Variants in ALDH16A1 observed in about 807,000 individuals in gnomAD.
ALDH16A1 encodes the protein aldehyde dehydrogenase 16 family member A1.
ALDH16A1 carries 88 observed loss-of-function variants against 96.1 expected under a neutral mutation model. That is an observed-to-expected ratio of 0.92 (90% CI 0.77 to 1.09). ALDH16A1 has a LOEUF of 1.09. ALDH16A1 is among the 50% of genes least tolerant of loss of function. The pLI is 0.00. For missense variants in ALDH16A1, 1,250 were observed against 1,112.6 expected, an observed-to-expected ratio of 1.12 and a Z score of -1.76; for synonymous variants, 522 against 496.4, an observed-to-expected ratio of 1.05 and a Z score of -0.69.
intron 7 of ALDH16A1, 133 bp from the exon 8 acceptor site, chr19:49,462,437 T>G: frequency 8.4e-7 from 1 of 1,186,190 alleles, no homozygotes; most frequent in Admixed American, 2.4e-5. Context: ...ATCCGGCCTC[T>G]CTGTTCTTTA....
intron 1 of ALDH16A1, among the ~76,000 whole-genome samples, chr19:49,455,832 G>A (rs1568646939): frequency 1.3e-5 from 2 of 152,178 alleles, no homozygotes; most frequent in East Asian, 3.8e-4. Flanking sequence ...GTTCTCAACC[G>A]TACAGTCTCT....
chr19:49,461,028 A>T (rs2122383623), intron 5 of ALDH16A1, 129 bp downstream of exon 5: 1 of 1,013,274 alleles, frequency 9.9e-7, no homozygotes, highest in Admixed American at 1.9e-5. Flanking sequence ...CTGTGGGAGG[A>T]GGGGCTGCGG....
Position 49,453,420 on chromosome 19 carries a change from T to G in ALDH16A1, c.89T>G (p.Leu30Arg). ...GTGCCGGAGAGCCACGCATGCGCAC[T>G]GGTGAGAGTCTGCCCGGCCGGCGCT... Reference protein sequence around the residue: ...GPVPESHACALAWLDTQDRCL... With the variant: ...GPVPESHACARAWLDTQDRCL... The change falls in exon 1 of 17, where the codon CTG becomes CGG. Residue 30 changes from leucine to arginine, a missense_variant and splice_region_variant. Transcript: ENST00000293350. 1 of 1,547,024 alleles carries G rather than the reference T, an allele frequency of 6.5e-7. No individual in the cohort carries two copies. Among genetic ancestry groups the G allele is most frequent in the Non-Finnish European group, 8.7e-7 (1 of 1,147,296 alleles).
intron 1 of ALDH16A1, 198 bp downstream of exon 1, chr19:49,453,619 TC>T (rs1212714035): frequency 3.7e-6 from 2 of 541,554 alleles, no homozygotes; most frequent in Non-Finnish European, 6.6e-6. Context: ...TTTAGTCTGT[TC>T]CGGTCTTCCC....
chr19:49,453,466 C>A (rs1380998146), intron 1 of ALDH16A1, 45 bp downstream of exon 1: 17 of 1,482,710 alleles, frequency 1.1e-5, no homozygotes, highest in Non-Finnish European at 1.4e-5. Flanking sequence ...TTCCCCAGGC[C>A]TGGGCGCCCG....
rs3033555 is a variant in ALDH16A1, at chr19:49,454,031, G to GTTTTTTTTT, written c.90+613_90+621dup. Among the ~76,000 whole-genome samples, 53 of 135,192 alleles carry GTTTTTTTTT rather than the reference G, an allele frequency of 3.9e-4. 3 individuals carry two copies. Among genetic ancestry groups the GTTTTTTTTT allele is most frequent in the Non-Finnish European group, 7.0e-4 (45 of 64,648 alleles). 88.7% of individuals were successfully genotyped at this position (135,192 alleles called of 152,430 possible). ...CCGGTTTGGGTTGGGTTTTTTTTTT[G>GTTTTTTTTT]TTTTTTTTTTTGAGCCAGGGTCTCA... On this transcript the variant is annotated intron_variant, in intron 1 of 16. Coordinates refer to ENST00000293350, the MANE Select transcript of ALDH16A1 (RefSeq NM_153329.4).
rs1221902402 is a variant in ALDH16A1 at position 49,459,131 on chromosome 19, C to T, written c.320+45C>T. On this transcript the variant is annotated intron_variant, in intron 3 of 16. Transcript: ENST00000293350. The surrounding 1 kb of genome is among the most constrained non-coding windows in gnomAD (Gnocchi z 4.1). ...GACCCCGGGAGGCGGGGAACCCCAGCATCCACTCGAGACCATGGGAACAAA... is the reference window on the plus strand; with the variant it reads ...GACCCCGGGAGGCGGGGAACCCCAGTATCCACTCGAGACCATGGGAACAAA... The T allele has an allele frequency of 3.1e-6, 5 of 1,587,990 alleles. No homozygotes were observed. The highest frequency in any genetic ancestry group is 4.3e-6 in the Non-Finnish European group (5 of 1,164,616).
chr19:49,462,538 G>A (rs748623955), intron 7 of ALDH16A1, 32 bp from the exon 8 acceptor site: 5 of 1,604,740 alleles, frequency 3.1e-6, no homozygotes, highest in Non-Finnish European at 3.4e-6. Context: ...GAGTGCAATG[G>A]TGTGATCTCC....
chr19:49,464,629 C>T lies in ALDH16A1; in HGVS notation c.1438-3C>T, dbSNP rs1254298260. The T allele has an allele frequency of 6.2e-6, 10 of 1,614,018 alleles. No homozygotes were observed. In the Admixed American group the frequency reaches 1.5e-4, roughly 24 times the overall value. Reference sequence around the variant, plus strand: ...CATCCTCTTGACACCGTCCCTCTCACAGGGGCTGTATGAGTATCTGCGGCC... The same window carrying T: ...CATCCTCTTGACACCGTCCCTCTCATAGGGGCTGTATGAGTATCTGCGGCC... On this transcript the variant is annotated splice_region_variant and splice_polypyrimidine_tract_variant and intron_variant, in intron 11 of 16. Coordinates refer to ENST00000293350, the MANE Select transcript of ALDH16A1 (RefSeq NM_153329.4).
intron 16 of ALDH16A1, 58 bp downstream of exon 16, chr19:49,469,044 T>A (rs2079223596): frequency 1.3e-6 from 2 of 1,561,014 alleles, no homozygotes; most frequent in Admixed American, 1.8e-5. Context: ...AGGCTCCTCC[T>A]TTTCTGGAAA....
intron 5 of ALDH16A1, among the ~76,000 whole-genome samples, chr19:49,461,297 ACTCCTGG>A (rs2079141703): frequency 7.6e-6 from 1 of 131,256 alleles, no homozygotes; most frequent in Admixed American, 8.1e-5. Flanking sequence ...TGGGACCTGG[ACTCCTGG>A]GTCTGAGGGA....
rs770877728 is a variant in ALDH16A1, at chr19:49,468,975, G to A, written c.2236G>A (p.Gly746Arg). Residue 746 changes from glycine (G) to arginine (R), a missense_variant, in exon 16 of 17, where the codon GGA becomes AGA. Coordinates refer to ENST00000293350, the MANE Select transcript of ALDH16A1 (RefSeq NM_153329.4). This position sits in a 1 kb window ranked among gnomAD's most constrained non-coding sequence, Gnocchi z 4.4. ...AGACGTCCAGGCCATGTGGTATTTC[G>A]GATCAGCCCAGGTGCTCTTTGTTCT... ...HQDVQAMWYFGSAQGSQFVEW... is the reference protein window; with the variant it reads ...HQDVQAMWYFRSAQGSQFVEW... 10 of 1,612,552 alleles carry A rather than the reference G, an allele frequency of 6.2e-6. No individual in the cohort carries two copies. The highest frequency in any genetic ancestry group is 2.2e-5 in the East Asian group (1 of 44,832).
chr19:49,458,411 A>T, intron 1 of ALDH16A1, 75 bp from the exon 2 acceptor site: 1 of 1,154,232 alleles, frequency 8.7e-7, no homozygotes, highest in Non-Finnish European at 1.3e-6. Flanking sequence ...GTCCCCTCCT[A>T]GAGGATTCTG....
rs1007244316 is a variant in ALDH16A1, at chr19:49,464,182, T to C, written c.1250T>C (p.Leu417Ser). The change falls in exon 10 of 17, where the codon TTG (leucine) becomes TCG (serine). Residue 417 changes from leucine (L) to serine (S), a missense_variant. Leu to Ser is a moderately radical substitution (Grantham distance 145). Coordinates refer to ENST00000293350, the MANE Select transcript of ALDH16A1 (RefSeq NM_153329.4). ...TTCCGCACAGCCAAGGAGGCACTGT[T>C]GGTGGCCAACGGGACGCCCCGCGGG... ...SPFRTAKEALLVANGTPRGGS... is the reference protein window; with the variant it reads ...SPFRTAKEALSVANGTPRGGS... The C allele has an allele frequency of 6.2e-7, 1 of 1,608,242 alleles. No individual in the cohort carries two copies. The highest frequency in any genetic ancestry group is 8.5e-7 in the Non-Finnish European group (1 of 1,179,554).
At chr19:49,463,601 G>T (rs1475147206) in intron 8 of ALDH16A1, among the ~76,000 whole-genome samples, 6 of 70,834 alleles carry the variant, frequency 8.5e-5, no homozygotes, top group Non-Finnish European at 1.7e-4. Flanking sequence ...GGAGGGGCTG[G>T]GGCCTGGACT....
chr19:49,465,674 T>C lies in ALDH16A1; in HGVS notation c.1569-64T>C, dbSNP rs111229775. 1.3e-5 allele frequency: 20 copies of C among 1,527,738 alleles called. No individual in the cohort carries two copies. The African/African-American group carries it at 1.7e-4, about 13-fold the overall frequency. 94.6% of individuals were successfully genotyped at this position (1,527,738 alleles called of 1,614,324 possible). On this transcript the variant is annotated intron_variant, in intron 12 of 16. Transcript: ENST00000293350. The stretch of plus-strand genomic sequence containing the variant: ...AGCCAAGGCAGTCTTCCCAGTGCGG[T>C]AGAGCATAGGGTCTGAGCAGATTGA...
chr19:49,458,426 G>A (rs1601019560), intron 1 of ALDH16A1, 60 bp from the exon 2 acceptor site: 1 of 1,328,188 alleles, frequency 7.5e-7, no homozygotes, highest in East Asian at 2.5e-5. Context: ...ATTCTGGGTA[G>A]GGGTTGAACT....
intron 12 of ALDH16A1, among the ~76,000 whole-genome samples, chr19:49,465,396 T>TG: frequency 7.2e-6 from 1 of 138,150 alleles, no homozygotes; most frequent in Admixed American, 7.2e-5. Flanking sequence ...GAGTTTAGGG[T>TG]ACCCAGAGGC....
intron 12 of ALDH16A1, 150 bp downstream of exon 12, chr19:49,464,912 T>C (rs11669044): frequency 0.31 from 382,383 of 1,229,582 alleles, 65,405 homozygotes; most frequent in Non-Finnish European, 0.35. Flanking sequence ...ACACTTTCCC[T>C]ACCCCAGGCC....
Sources: allele counts gnomAD v4.1 joint callset (sites outside exome capture counted in the v4.1 genomes callset), GRCh38; gene constraint gnomAD v4.1.1; non-coding constraint Gnocchi (gnomAD v3.1); transcripts MANE v1.5; gene names NCBI Gene and HGNC (gene_info 2026-07-23, HGNC 2026-07-21).